Variants in ABI1 observed in about 807,000 individuals in gnomAD.
ABI1 encodes the protein Abelson interactor 1.
A neutral mutation model predicts 54.6 loss-of-function variants in ABI1; 14 were observed. The ratio of observed to expected loss-of-function variants is 0.26; its 90% CI spans 0.17 to 0.40. ABI1 has a LOEUF of 0.40. Ranked by LOEUF, ABI1 falls within the 10% of genes least tolerant of loss-of-function variation. ABI1 has a pLI of 1.00. For missense variants in ABI1, 443 were observed against 598.3 expected (o/e 0.74, Z 2.71); for synonymous variants, 194 against 209.3 (o/e 0.93, Z 0.63).
chr10:26,757,579 G>C (rs1041867516), intron 8 of ABI1, among the ~76,000 whole-genome samples: 2 of 152,070 alleles, frequency 1.3e-5, no homozygotes, highest in East Asian at 1.9e-4. Flanking sequence ...ACAGACACTG[G>C]CTACCTTTTG....
intron 1 of ABI1, among the ~76,000 whole-genome samples, chr10:26,858,726 A>G (rs572654541): frequency 8.7e-4 from 132 of 152,182 alleles, no homozygotes; most frequent in African/African-American, 3.1e-3. Flanking sequence ...GAAAGGGGTC[A>G]GAGAGGGGTA....
intron 2 of ABI1, among the ~76,000 whole-genome samples, chr10:26,793,964 C>T (rs1444612696): frequency 2.0e-5 from 3 of 152,126 alleles, no homozygotes; most frequent in Admixed American, 6.5e-5. Context: ...AGGCAAGGGC[C>T]GGGTGCAGTG....
chr10:26,749,303 T>G (rs1014000342), intron 10 of ABI1, among the ~76,000 whole-genome samples: 5 of 152,188 alleles, frequency 3.3e-5, no homozygotes, highest in African/African-American at 1.2e-4. Context: ...TTCTGTGGTG[T>G]CTGTAATTTT....
intron 6 of ABI1, among the ~76,000 whole-genome samples, chr10:26,766,437 C>T (rs1257215170): frequency 6.6e-6 from 1 of 152,156 alleles, no homozygotes; most frequent in East Asian, 1.9e-4. Flanking sequence ...ACATAATTTG[C>T]TCAATAAGCC....
chr10:26,772,392 C>T (rs1184173013), intron 3 of ABI1, among the ~76,000 whole-genome samples: 1 of 151,880 alleles, frequency 6.6e-6, no homozygotes, highest in African/African-American at 2.4e-5. Context: ...AAATACTATC[C>T]TAAAATAACC....
chr10:26,795,718 C>T (rs1405162677), intron 2 of ABI1, among the ~76,000 whole-genome samples: 1 of 151,198 alleles, frequency 6.6e-6, no homozygotes, highest in African/African-American at 2.4e-5. Context: ...ACACTGAAAA[C>T]TATAATACAC....
intron 9 of ABI1, among the ~76,000 whole-genome samples, chr10:26,754,953 A>AC (rs1838121076): frequency 6.6e-6 from 1 of 150,920 alleles, no homozygotes; most frequent in Non-Finnish European, 1.5e-5. Flanking sequence ...CCCCCCCCAC[A>AC]AAAAAAAATC....
chr10:26,854,090 G>C (rs1035044966), intron 1 of ABI1, among the ~76,000 whole-genome samples: 13 of 152,086 alleles, frequency 8.5e-5, no homozygotes, highest in Non-Finnish European at 1.5e-5. Context: ...AGGACTATTA[G>C]CATTCCTGAG....
At chr10:26,792,001 C>T (rs1843530481) in intron 2 of ABI1, among the ~76,000 whole-genome samples, 1 of 151,990 alleles carries the variant, frequency 6.6e-6, no homozygotes, top group South Asian at 2.1e-4. Flanking sequence ...AAAAGCAAGC[C>T]ATGCTAGACT....
chr10:26,846,758 A>G (rs963430810), intron 1 of ABI1, among the ~76,000 whole-genome samples: 2 of 152,160 alleles, frequency 1.3e-5, no homozygotes, highest in African/African-American at 4.8e-5. Context: ...GAAGTACACA[A>G]GTGTGTAACT....
chr10:26,815,463 A>T (rs532695005), intron 2 of ABI1, among the ~76,000 whole-genome samples: 1 of 152,370 alleles, frequency 6.6e-6, no homozygotes, highest in South Asian at 2.1e-4. Context: ...AACACAGAGA[A>T]TATTCATAAT....
chr10:26,836,088 C>A (rs10829086), intron 1 of ABI1, among the ~76,000 whole-genome samples: 39,749 of 151,478 alleles, frequency 0.26, 5,977 homozygotes, highest in South Asian at 0.44. Context: ...ATGGATAATT[C>A]TCTTGATAGT....
chr10:26,760,332 C>T (rs1023751672), intron 7 of ABI1, among the ~76,000 whole-genome samples: 1 of 152,092 alleles, frequency 6.6e-6, no homozygotes, highest in Non-Finnish European at 1.5e-5. Flanking sequence ...AAAAAGCCAG[C>T]GTCCTAGTTT....
chr10:26,770,282 G>A lies in ABI1; in HGVS notation c.541C>T (p.Pro181Ser). Residue 181 changes from proline to serine, a missense_variant, in exon 5 of 11, where the codon CCG (proline) becomes TCG (serine). Physicochemically the swap from Pro to Ser is moderately conservative, Grantham distance 74 (BLOSUM62 -1). This residue lies in a region of ABI1 where 394 missense variants were observed against 484.8 expected (regional missense o/e 0.81). Transcript: ENST00000376140. ...LSRTNPPTQK[P>S]PSPPMSGRGT... ...CGGCCTGACATGGGAGGACTTGGCG[G>A]TTTCTGAGTAGGAGGATTTGTTCTC... The A allele has an allele frequency of 3.1e-6, 5 of 1,614,090 alleles. No individual in the cohort carries two copies. In the Admixed American group the frequency reaches 8.3e-5, roughly 27 times the overall value.
At chr10:26,849,753 T>A (rs1340224930) in intron 1 of ABI1, among the ~76,000 whole-genome samples, 1 of 144,122 alleles carries the variant, frequency 6.9e-6, no homozygotes, top group Non-Finnish European at 1.5e-5. Context: ...CAATGTGAAC[T>A]TGCAAGCTTT....
rs1183186511 is a variant in ABI1 at position 26,746,598 on chromosome 10, G to C, written c.*1972C>G. On this transcript the variant is annotated 3_prime_UTR_variant, in exon 11 of 11. Coordinates refer to ENST00000376140, the MANE Select transcript of ABI1 (RefSeq NM_001012750.3). ...CATTTTAAAAGATATCAAACTTATTGATGGGCAATTTATTTTTTTTTATTG... is the reference window on the plus strand; with the variant it reads ...CATTTTAAAAGATATCAAACTTATTCATGGGCAATTTATTTTTTTTTATTG... The C allele has an allele frequency of 1.8e-5, 19 of 1,027,908 alleles. No homozygotes were observed. The highest frequency in any genetic ancestry group is 2.8e-5 in the Non-Finnish European group (19 of 689,980). The allele number at this position is 1,027,908 out of a possible 1,614,324, so 63.7% of individuals were successfully genotyped here.
Position 26,768,962 on chromosome 10 carries a change from A to G in ABI1, c.609T>C (p.Pro203=). 1 of 1,612,522 alleles carries G rather than the reference A, an allele frequency of 6.2e-7. No homozygotes were observed. Among genetic ancestry groups the G allele is most frequent in the Middle Eastern group, 1.7e-4 (1 of 6,016 alleles). The stretch of plus-strand genomic sequence containing the variant: ...CATTAGGAACTGTTGGGGGTTTAAC[A>G]GGTTCCAGGGTTTTATAAGGAGTAT... ...GRNTPYKTLE[P]VKPPTVPNDY... The change falls in exon 6 of 11, where the codon CCT becomes CCC. Residue 203 remains proline, a synonymous_variant. Transcript: ENST00000376140.
rs541658273 is a variant in ABI1 at position 26,851,424 on chromosome 10, C to T, written c.117+9323G>A. On this transcript the variant is annotated intron_variant, in intron 1 of 10. Coordinates refer to ENST00000376140, the MANE Select transcript of ABI1 (RefSeq NM_001012750.3). ...CAAGCTGATCTCAAACTCCTGGGCTCAAGCAATCCTCCCACCTCAACCTCC... is the reference window on the plus strand; with the variant it reads ...CAAGCTGATCTCAAACTCCTGGGCTTAAGCAATCCTCCCACCTCAACCTCC... Among the ~76,000 whole-genome samples, 25 of 137,838 alleles carry T rather than the reference C, an allele frequency of 1.8e-4. 1 individual carries two copies. In the South Asian group the frequency reaches 5.9e-3, roughly 33 times the overall value. 90.4% of individuals were successfully genotyped at this position (137,838 alleles called of 152,430 possible).
intron 1 of ABI1, among the ~76,000 whole-genome samples, chr10:26,851,263 A>G (rs1386728075): frequency 6.6e-6 from 1 of 151,750 alleles, no homozygotes; most frequent in African/African-American, 2.4e-5. Context: ...TGGCGCAACC[A>G]TAGCTCACTG....
Sources: gnomAD v4.1 joint callset for allele counts (sites outside exome capture counted in the v4.1 genomes callset) on GRCh38, gnomAD v4.1.1 for gene constraint, gnomAD v4.1.1 regional missense constraint, MANE v1.5 for transcripts, NCBI Gene and HGNC (gene_info 2026-07-23, HGNC 2026-07-21) for gene names.